The following SH3BGRL2 variants were observed in gnomAD, a reference collection of about 807,000 sequenced individuals.
SH3BGRL2 encodes the protein SH3 domain-binding glutamic acid-rich-like protein 2.
Under a neutral mutation model 14.8 loss-of-function variants are expected in SH3BGRL2, and 21 were observed. The observed-to-expected ratio is 1.42, with a 90% CI of 1.01 to 2.05. The LOEUF (loss-of-function observed/expected upper bound fraction) is 2.05. Among genes scored for constraint, SH3BGRL2 ranks in the 30% most tolerant of loss-of-function variants. SH3BGRL2 has a pLI of 0.00. For missense variants in SH3BGRL2, 147 were observed against 130.8 expected (o/e 1.12, Z -0.61); for synonymous variants, 50 against 47.8 (o/e 1.05, Z -0.19).
the SH3BGRL2 span, among the ~76,000 whole-genome samples, chr6:79,577,583 A>T: frequency 4.6e-5 from 7 of 152,230 alleles, no homozygotes; most frequent in East Asian, 1.2e-3. Context: ...GACATTAAAA[A>T]TTAAAAATGA....
the SH3BGRL2 span, among the ~76,000 whole-genome samples, chr6:79,538,895 G>T: frequency 6.6e-6 from 1 of 152,212 alleles, no homozygotes; most frequent in Non-Finnish European, 1.5e-5. Flanking sequence ...AGAAGTTAAA[G>T]TATCTACCAC....
At chr6:79,674,929 A>T (rs1231017488) in intron 2 of SH3BGRL2, among the ~76,000 whole-genome samples, 1 of 152,172 alleles carries the variant, frequency 6.6e-6, no homozygotes, top group Non-Finnish European at 1.5e-5. Context: ...AGCATTTCTT[A>T]AGCATATTAT....
the SH3BGRL2 span, among the ~76,000 whole-genome samples, chr6:79,549,024 A>G: frequency 6.6e-5 from 10 of 152,344 alleles, no homozygotes; most frequent in Middle Eastern, 3.4e-3. Flanking sequence ...GGCCATATAG[A>G]GGAAATTATT....
Position 79,673,567 on chromosome 6 carries a change from T to C in SH3BGRL2, c.46-47T>C, listed in dbSNP as rs546487619. The C allele has an allele frequency of 9.2e-5, 145 of 1,567,700 alleles. No individual in the cohort carries two copies. In the East Asian group the frequency reaches 3.1e-3, roughly 33 times the overall value. On this transcript the variant is annotated intron_variant, in intron 1 of 3. Coordinates refer to ENST00000369838, the MANE Select transcript of SH3BGRL2 (RefSeq NM_031469.4). ...GTTCAGTTTGGAAGTATATACATAC[T>C]GTTTCAGATAAGCGTATCTACTTAT... is the stretch of plus-strand genomic sequence containing the variant.
chr6:79,557,465 T>G, the SH3BGRL2 span, among the ~76,000 whole-genome samples: 1 of 151,908 alleles, frequency 6.6e-6, no homozygotes, highest in Non-Finnish European at 1.5e-5. Context: ...ATAAAAAAAT[T>G]TAAACTAATT....
chr6:79,563,392 G>A, the SH3BGRL2 span, among the ~76,000 whole-genome samples: 1 of 152,024 alleles, frequency 6.6e-6, no homozygotes, highest in Non-Finnish European at 1.5e-5. Flanking sequence ...GATTACAGGA[G>A]TGAGCCACAG....
chr6:79,572,689 T>A, the SH3BGRL2 span, among the ~76,000 whole-genome samples: 2 of 152,054 alleles, frequency 1.3e-5, no homozygotes, highest in Non-Finnish European at 2.9e-5. Flanking sequence ...ATGGTCTCGA[T>A]CTCCTGACCT....
At chr6:79,631,602 CCG>C in intron 1 of SH3BGRL2, 96 bp downstream of exon 1, 3 of 1,029,550 alleles carry the variant, frequency 2.9e-6, no homozygotes, top group Non-Finnish European at 3.8e-6. Flanking sequence ...TTGCGCTCAG[CCG>C]GTCCGCCCGC....
chr6:79,677,980 T>G (rs1391467987), intron 2 of SH3BGRL2, among the ~76,000 whole-genome samples: 2 of 149,692 alleles, frequency 1.3e-5, no homozygotes, highest in African/African-American at 2.6e-5. Context: ...TCTCACTCTG[T>G]GGAACTGGCA....
chr6:79,630,704 C>T (rs552509854), upstream of SH3BGRL2, among the ~76,000 whole-genome samples: 44 of 152,260 alleles, frequency 2.9e-4, no homozygotes, highest in South Asian at 1.2e-3. Context: ...ACTACAATTA[C>T]AGTTTTGCTG....
the SH3BGRL2 span, among the ~76,000 whole-genome samples, chr6:79,607,453 C>T: frequency 6.6e-6 from 1 of 152,158 alleles, no homozygotes; most frequent in Non-Finnish European, 1.5e-5. Flanking sequence ...ATCTCCCTCC[C>T]TTCTTTTAAC....
chr6:79,569,704 C>T, the SH3BGRL2 span, among the ~76,000 whole-genome samples: 2 of 152,078 alleles, frequency 1.3e-5, no homozygotes, highest in Non-Finnish European at 2.9e-5. Context: ...GCCCTTGGGT[C>T]AGGGGGGTGC....
At chr6:79,539,771 C>T in the SH3BGRL2 span, among the ~76,000 whole-genome samples, 14 of 152,292 alleles carry the variant, frequency 9.2e-5, no homozygotes, top group East Asian at 2.7e-3. Flanking sequence ...TAAATAGACT[C>T]TCTAACTGTA....
intron 1 of SH3BGRL2, among the ~76,000 whole-genome samples, chr6:79,650,801 T>G (rs944079195): frequency 6.6e-6 from 1 of 152,006 alleles, no homozygotes; most frequent in Non-Finnish European, 1.5e-5. Flanking sequence ...ATCCAAATTA[T>G]CAGCAGGTGA....
the SH3BGRL2 span, among the ~76,000 whole-genome samples, chr6:79,545,088 G>C: frequency 3.3e-5 from 5 of 152,228 alleles, no homozygotes; most frequent in Middle Eastern, 3.4e-3. Flanking sequence ...TGCTGAAGTC[G>C]TCAAGCTTCT....
chr6:79,665,445 C>G (rs1769638087), intron 1 of SH3BGRL2, among the ~76,000 whole-genome samples: 1 of 152,042 alleles, frequency 6.6e-6, no homozygotes, highest in Admixed American at 6.6e-5. Context: ...TGTGGGCTCC[C>G]TGGAAGGTTC....
At chr6:79,657,446 T>C (rs1281204332) in intron 1 of SH3BGRL2, among the ~76,000 whole-genome samples, 1 of 152,124 alleles carries the variant, frequency 6.6e-6, no homozygotes, top group Non-Finnish European at 1.5e-5. Flanking sequence ...CAGAAGAGGA[T>C]GTGGCTCTTG....
the SH3BGRL2 span, among the ~76,000 whole-genome samples, chr6:79,538,018 GTTTTTTTTTT>G: frequency 0.063 from 2,783 of 44,050 alleles, 77 homozygotes; most frequent in African/African-American, 0.085. Context: ...TTGCACACAA[GTTTTTTTTTT>G]TTTTTTTTTT....
the SH3BGRL2 span, among the ~76,000 whole-genome samples, chr6:79,570,549 T>G: frequency 1.3e-5 from 2 of 152,350 alleles, no homozygotes; most frequent in Admixed American, 6.5e-5. Flanking sequence ...GTCTGCCCTG[T>G]GATCTTTCTC....
Sources: gnomAD v4.1 joint callset for allele counts (sites outside exome capture counted in the v4.1 genomes callset) on GRCh38, gnomAD v4.1.1 for gene constraint, MANE v1.5 for transcripts, NCBI Gene and HGNC (gene_info 2026-07-23, HGNC 2026-07-21) for gene names.